TBC1D5: variants seen among roughly 807,000 people sequenced by gnomAD.
TBC1D5 encodes TBC1 domain family member 5, also known as TBC1 domain family, member 5.
In TBC1D5, 75 loss-of-function variants were observed where a neutral mutation model predicts 100.3. That is an observed-to-expected ratio of 0.75 (90% confidence interval 0.62 to 0.91). The LOEUF (loss-of-function observed/expected upper bound fraction) is 0.91. TBC1D5 is among the 40% of genes least tolerant of loss of function. The pLI is 0.00. For missense variants in TBC1D5, 910 were observed against 942.4 expected, an observed-to-expected ratio of 0.97 and a Z score of 0.45; for synonymous variants, 323 against 325.6, an observed-to-expected ratio of 0.99 and a Z score of 0.09.
intron 3 of TBC1D5, among the ~76,000 whole-genome samples, chr3:17,464,094 G>C (rs1475459422): frequency 6.6e-6 from 1 of 151,956 alleles, no homozygotes; most frequent in Non-Finnish European, 1.5e-5. Flanking sequence ...TGGGATTACA[G>C]GCATGCGCCA....
intron 3 of TBC1D5, among the ~76,000 whole-genome samples, chr3:17,468,020 G>C (rs1007813866): frequency 6.6e-6 from 1 of 152,176 alleles, no homozygotes; most frequent in Admixed American, 6.5e-5. Flanking sequence ...AACGTTAAAA[G>C]AAAGTATACA....
chr3:17,332,142 G>C (rs551191575), intron 13 of TBC1D5, among the ~76,000 whole-genome samples: 43 of 152,290 alleles, frequency 2.8e-4, no homozygotes, highest in Non-Finnish European at 5.0e-4. Context: ...GTTCCGATAA[G>C]AGATAGGCCT....
chr3:17,508,724 C>A, intron 2 of TBC1D5, 119 bp from the exon 3 acceptor site: 1 of 452,846 alleles, frequency 2.2e-6, no homozygotes, highest in Non-Finnish European at 4.0e-6. Context: ...TTTTCCCAGG[C>A]TCCAGGGACT....
intron 3 of TBC1D5, among the ~76,000 whole-genome samples, chr3:17,497,217 C>A (rs2095723009): frequency 6.6e-6 from 1 of 151,856 alleles, no homozygotes; most frequent in Non-Finnish European, 1.5e-5. Flanking sequence ...TCAGAGAGAT[C>A]TTCTCTGACA....
chr3:17,377,175 G>C (rs1423413332), intron 9 of TBC1D5, among the ~76,000 whole-genome samples: 1 of 152,048 alleles, frequency 6.6e-6, no homozygotes, highest in Non-Finnish European at 1.5e-5. Context: ...GATTTAACAT[G>C]TTTAATCAGA....
intron 13 of TBC1D5, among the ~76,000 whole-genome samples, chr3:17,339,150 C>T (rs2088440989): frequency 6.6e-6 from 1 of 152,190 alleles, no homozygotes; most frequent in Non-Finnish European, 1.5e-5. Flanking sequence ...GTGGTAAAGA[C>T]AAGCAATGCC....
chr3:17,714,073 T>C (rs981216633), intron 1 of TBC1D5, among the ~76,000 whole-genome samples: 4 of 152,314 alleles, frequency 2.6e-5, no homozygotes, highest in African/African-American at 7.2e-5. Flanking sequence ...CTGTCTTCCC[T>C]GTGTGTCTTC....
At chr3:17,560,447 C>A (rs767868481) in intron 2 of TBC1D5, among the ~76,000 whole-genome samples, 1 of 151,850 alleles carries the variant, frequency 6.6e-6, no homozygotes, top group Non-Finnish European at 1.5e-5. Flanking sequence ...GTGAGACACC[C>A]TGTCTCTAAA....
At chr3:17,475,922 A>G (rs2095432985) in intron 3 of TBC1D5, among the ~76,000 whole-genome samples, 1 of 152,116 alleles carries the variant, frequency 6.6e-6, no homozygotes, top group Non-Finnish European at 1.5e-5. Context: ...GCAAACTCAC[A>G]TTAATTGATT....
rs34847216 is a variant in TBC1D5 at position 17,484,455 on chromosome 3, G to GGTGTGTGT, written c.97+24011_97+24018dup. 2.6e-3 allele frequency among the ~76,000 whole-genome samples: 285 copies of GGTGTGTGT among 111,542 alleles called. 12 individuals carry two copies. The highest frequency in any genetic ancestry group is 0.011 in the African/African-American group (276 of 24,994). 73.2% of individuals were successfully genotyped at this position (111,542 alleles called of 152,430 possible). ...TTTAAAGATAATAAGGTAACACCAGGGTGTGTGTGTGTGTGTGTGTGTGTG... is the reference window on the plus strand; with the variant it reads ...TTTAAAGATAATAAGGTAACACCAGGGTGTGTGTGTGTGTGTGTGTGTGTGTGTGTGTG... On this transcript the variant is annotated intron_variant, in intron 3 of 21. Coordinates refer to ENST00000253692, the Ensembl canonical transcript of TBC1D5.
chr3:17,329,098 G>A (rs1036458901), intron 13 of TBC1D5, among the ~76,000 whole-genome samples: 1 of 152,120 alleles, frequency 6.6e-6, no homozygotes. Context: ...GTCACTGAAA[G>A]GCATCTCTCC....
chr3:17,200,470 C>G (rs2071325616), intron 18 of TBC1D5, among the ~76,000 whole-genome samples: 1 of 152,206 alleles, frequency 6.6e-6, no homozygotes, highest in South Asian at 2.1e-4. Flanking sequence ...TGCAAGGGAT[C>G]TAGGTTGTGT....
chr3:17,160,798 A>G (rs1253393835), exon 22 of TBC1D5: 1 of 888,106 alleles, frequency 1.1e-6, no homozygotes, highest in Non-Finnish European at 1.7e-6. Context: ...CTTTGTGGCC[A>G]TATATGCTTC....
At position 17,223,841 on chromosome 3, in the gene TBC1D5, G is replaced by A. The variant is rs192965854; in HGVS notation, c.1589-9471C>T. ...ACCCTGGAGGCAGAGGTTGCAGTGA[G>A]CTGAGATCGCACCACTGCCTTCCAG... On this transcript the variant is annotated intron_variant, in intron 17 of 21. Coordinates refer to ENST00000253692, the Ensembl canonical transcript of TBC1D5. Among the ~76,000 whole-genome samples, 156 of 152,190 alleles carry A rather than the reference G, an allele frequency of 1.0e-3. 1 individual carries two copies. Among genetic ancestry groups the A allele is most frequent in the Non-Finnish European group, 1.1e-3 (76 of 68,008 alleles).
chr3:17,416,231 T>A (rs1417980514), intron 4 of TBC1D5, among the ~76,000 whole-genome samples: 1 of 152,188 alleles, frequency 6.6e-6, no homozygotes, highest in African/African-American at 2.4e-5. Context: ...ACTAAGCAAG[T>A]AAACTTTCCG....
chr3:17,626,560 G>C (rs906351153), intron 1 of TBC1D5, among the ~76,000 whole-genome samples: 2 of 152,142 alleles, frequency 1.3e-5, no homozygotes, highest in African/African-American at 4.8e-5. Flanking sequence ...TAAACAGGAA[G>C]TGCTTTGTGA....
chr3:17,690,860 T>C (rs2071050937), intron 1 of TBC1D5, among the ~76,000 whole-genome samples: 1 of 152,318 alleles, frequency 6.6e-6, no homozygotes, highest in African/African-American at 2.4e-5. Context: ...TGCTGCTTTA[T>C]AAGACTAAAT....
At position 17,687,312 on chromosome 3, in the gene TBC1D5, G is replaced by C. The variant is rs534668250; in HGVS notation, c.-101+52031C>G. ...GAGCATTAAAAGCTAAATTTAGCCAGACATGGTGGCTCACACCTGTAATCC... is the reference window on the plus strand; with the variant it reads ...GAGCATTAAAAGCTAAATTTAGCCACACATGGTGGCTCACACCTGTAATCC... On this transcript the variant is annotated intron_variant, in intron 1 of 21. Transcript: ENST00000253692. 1.9e-4 allele frequency among the ~76,000 whole-genome samples: 29 copies of C among 152,194 alleles called. No homozygotes were observed. In the South Asian group the frequency reaches 4.8e-3, roughly 25 times the overall value.
At chr3:17,474,236 G>A (rs987171561) in intron 3 of TBC1D5, among the ~76,000 whole-genome samples, 4 of 152,078 alleles carry the variant, frequency 2.6e-5, no homozygotes, top group African/African-American at 9.7e-5. Flanking sequence ...CAGTTACACT[G>A]GCAAATATTT....
Sources: allele counts gnomAD v4.1 joint callset (sites outside exome capture counted in the v4.1 genomes callset), GRCh38; gene constraint gnomAD v4.1.1; transcripts MANE v1.5; gene names NCBI Gene and HGNC (gene_info 2026-07-23, HGNC 2026-07-21).